Variants in GALNTL6 observed in about 807,000 individuals in gnomAD.
GALNTL6 encodes polypeptide N-acetylgalactosaminyltransferase like 6, also known as polypeptide N-acetylgalactosaminyltransferase-like 6.
A neutral mutation model predicts 73.7 loss-of-function variants in GALNTL6; 46 were observed. The ratio of observed to expected loss-of-function variants is 0.62; its 90% CI spans 0.49 to 0.80. The LOEUF (loss-of-function observed/expected upper bound fraction) is 0.80. Ranked by LOEUF, GALNTL6 falls within the 30% of genes least tolerant of loss-of-function variation. The pLI is 0.00. For synonymous variants in GALNTL6, 259 were observed against 263.7 expected, an observed-to-expected ratio of 0.98 and a Z score of 0.17; for missense variants, 604 against 755.0, an observed-to-expected ratio of 0.80 and a Z score of 2.34.
intron 2 of GALNTL6, among the ~76,000 whole-genome samples, chr4:172,067,392 C>T (rs966087464): frequency 6.6e-6 from 1 of 151,976 alleles, no homozygotes; most frequent in Admixed American, 6.6e-5. Context: ...CGCTCTACCT[C>T]AGTGATTTTC....
intron 5 of GALNTL6, among the ~76,000 whole-genome samples, chr4:172,372,989 A>T (rs185824867): frequency 1.3e-5 from 2 of 152,330 alleles, no homozygotes; most frequent in African/African-American, 4.8e-5. Context: ...TTCGACCTAC[A>T]CACCTTGTAC....
rs529482564 is a variant in GALNTL6, at chr4:172,238,294, C to G, written c.247+8530C>G. 2.6e-5 allele frequency among the ~76,000 whole-genome samples: 4 copies of G among 152,068 alleles called. No homozygotes were observed. The South Asian group carries it at 6.2e-4, about 24-fold the overall frequency. On this transcript the variant is annotated intron_variant, in intron 3 of 12. Transcript: ENST00000506823. Reference sequence around the variant, plus strand: ...ATTTCTTTGAGCAATGTTTTGTAATCCTCATTTTAGAGATCTTTCACCTCT... The same window carrying G: ...ATTTCTTTGAGCAATGTTTTGTAATGCTCATTTTAGAGATCTTTCACCTCT...
intron 5 of GALNTL6, among the ~76,000 whole-genome samples, chr4:172,395,319 G>A (rs931507455): frequency 6.6e-6 from 1 of 152,108 alleles, no homozygotes; most frequent in African/African-American, 2.4e-5. Flanking sequence ...CAAATAATGT[G>A]TGCAAAGACT....
intron 6 of GALNTL6, among the ~76,000 whole-genome samples, chr4:172,810,116 G>A (rs1215746356): frequency 6.6e-6 from 1 of 152,130 alleles, no homozygotes; most frequent in African/African-American, 2.4e-5. Flanking sequence ...TAAATATACA[G>A]TTCTTTGTAT....
intron 2 of GALNTL6, among the ~76,000 whole-genome samples, chr4:171,836,283 A>G (rs1441284453): frequency 6.6e-6 from 1 of 151,938 alleles, no homozygotes; most frequent in Admixed American, 6.6e-5. Context: ...ACTGCTTCCA[A>G]CTCTGCACTG....
chr4:172,779,852 AT>A (rs796421242), intron 5 of GALNTL6, among the ~76,000 whole-genome samples: 170 of 151,824 alleles, frequency 1.1e-3, no homozygotes, highest in African/African-American at 3.6e-3. Context: ...CTTTAGAGAG[AT>A]TTTTTTTTCC....
intron 10 of GALNTL6, among the ~76,000 whole-genome samples, chr4:172,993,149 A>G (rs28508067): frequency 2.5e-3 from 377 of 152,304 alleles, no homozygotes; most frequent in African/African-American, 8.3e-3. Context: ...TCTGTGTTTG[A>G]AGATAGGGTG....
chr4:171,895,587 T>C (rs929428180), intron 2 of GALNTL6, among the ~76,000 whole-genome samples: 4 of 152,110 alleles, frequency 2.6e-5, no homozygotes, highest in African/African-American at 9.7e-5. Flanking sequence ...AAATTACTCA[T>C]GGAAGAAGAG....
At chr4:171,844,838 T>G (rs552706297) in intron 2 of GALNTL6, among the ~76,000 whole-genome samples, 29 of 152,292 alleles carry the variant, frequency 1.9e-4, no homozygotes, top group African/African-American at 5.3e-4. Context: ...AGATGGTTGC[T>G]GTGGCAGGGA....
intron 2 of GALNTL6, among the ~76,000 whole-genome samples, chr4:171,925,897 A>G (rs960803668): frequency 3.9e-5 from 6 of 152,110 alleles, no homozygotes; most frequent in African/African-American, 7.2e-5. Flanking sequence ...CTTCTTATAT[A>G]GCTTTTTTAA....
At position 172,040,174 on chromosome 4, in the gene GALNTL6, A is replaced by G. The variant is rs116298127; in HGVS notation, c.139-189482A>G. Among the ~76,000 whole-genome samples the G allele has an allele frequency of 7.6e-3, 1,159 of 151,768 alleles. 16 individuals carry two copies. Among genetic ancestry groups the G allele is most frequent in the African/African-American group, 0.027 (1,103 of 41,490 alleles). The stretch of plus-strand genomic sequence containing the variant: ...GAATAAAATGGAGACTAAAAATAGC[A>G]TATTAATAATCATTGCACTTTCTGG... On this transcript the variant is annotated intron_variant, in intron 2 of 12. Transcript: ENST00000506823.
chr4:172,880,683 C>T (rs926647972), intron 7 of GALNTL6, among the ~76,000 whole-genome samples: 5 of 152,106 alleles, frequency 3.3e-5, no homozygotes, highest in Middle Eastern at 3.4e-3. Flanking sequence ...TTAAAACTCA[C>T]GGGCAAATAT....
At chr4:172,059,248 G>A (rs1731119334) in intron 2 of GALNTL6, among the ~76,000 whole-genome samples, 1 of 152,164 alleles carries the variant, frequency 6.6e-6, no homozygotes, top group South Asian at 2.1e-4. Flanking sequence ...ATAAGAGGAA[G>A]CAGTTGTATT....
chr4:171,822,134 T>G lies in GALNTL6; in HGVS notation c.138+7416T>G, dbSNP rs535914097. ...CAGGCAAGAAACTGAGAACTACTTT[T>G]GTTGTTGCTGTTTAAATCTTGGCCA... On this transcript the variant is annotated intron_variant, in intron 2 of 12. Coordinates refer to ENST00000506823, the MANE Select transcript of GALNTL6 (RefSeq NM_001034845.3). 5.4e-4 allele frequency among the ~76,000 whole-genome samples: 82 copies of G among 152,292 alleles called. 1 individual carries two copies. The highest frequency in any genetic ancestry group is 1.5e-3 in the African/African-American group (62 of 41,566).
chr4:172,759,865 T>C lies in GALNTL6; in HGVS notation c.554-49496T>C, dbSNP rs559315612. Among the ~76,000 whole-genome samples, 16 of 122,556 alleles carry C rather than the reference T, an allele frequency of 1.3e-4. 1 individual carries two copies. The South Asian group carries it at 3.3e-3, about 25-fold the overall frequency. 80.4% of individuals were successfully genotyped at this position (122,556 alleles called of 152,430 possible). A position where few individuals can be genotyped will look rare whatever the true frequency, so the allele number is the denominator to read the frequency against. ...TTTTTTTTGAGACGGAGTCTCGCTC[T>C]GTCGCCCAGGCCGGACTGCGGACTG... On this transcript the variant is annotated intron_variant, in intron 5 of 12. Coordinates refer to ENST00000506823, the MANE Select transcript of GALNTL6 (RefSeq NM_001034845.3).
rs528715354 is a variant in GALNTL6, at chr4:172,918,523, T to C, written c.1042-12638T>C. ...TCCTCTCCAAACAGCTGAGAATACA[T>C]ATAATGCCTTCCTTCCCCCAACACA... On this transcript the variant is annotated intron_variant, in intron 8 of 12. Coordinates refer to ENST00000506823, the MANE Select transcript of GALNTL6 (RefSeq NM_001034845.3). Among the ~76,000 whole-genome samples, 150 of 152,260 alleles carry C rather than the reference T, an allele frequency of 9.9e-4. 1 individual carries two copies. Among genetic ancestry groups the C allele is most frequent in the African/African-American group, 3.5e-3 (145 of 41,558 alleles).
chr4:172,536,017 G>A (rs1320944447), intron 5 of GALNTL6, among the ~76,000 whole-genome samples: 1 of 152,176 alleles, frequency 6.6e-6, no homozygotes, highest in Non-Finnish European at 1.5e-5. Context: ...CCTTCATGCT[G>A]TTCTCATGAT....
chr4:172,342,777 CA>C (rs1561036024), intron 4 of GALNTL6, among the ~76,000 whole-genome samples: 1 of 152,116 alleles, frequency 6.6e-6, no homozygotes, highest in African/African-American at 2.4e-5. Context: ...TGTCATTTGC[CA>C]AATGTTTCTG....
At chr4:172,778,622 A>T (rs769702433) in intron 5 of GALNTL6, among the ~76,000 whole-genome samples, 10 of 152,350 alleles carry the variant, frequency 6.6e-5, no homozygotes, top group Non-Finnish European at 1.5e-4. Flanking sequence ...ATGACTTTTG[A>T]CACTGCCATG....
Sources: allele counts gnomAD v4.1 joint callset (sites outside exome capture counted in the v4.1 genomes callset), GRCh38; gene constraint gnomAD v4.1.1; transcripts MANE v1.5; gene names NCBI Gene and HGNC (gene_info 2026-07-23, HGNC 2026-07-21).